The following ANKRD44 variants were observed in gnomAD, a reference collection of about 807,000 sequenced individuals.
ANKRD44 encodes serine/threonine-protein phosphatase 6 regulatory ankyrin repeat subunit B.
In ANKRD44, 35 loss-of-function variants were observed where a neutral mutation model predicts 116.0. That is an observed-to-expected ratio of 0.30 (90% CI 0.23 to 0.40). The LOEUF is 0.40. Among genes scored for constraint, ANKRD44 ranks in the 10% least tolerant of loss-of-function variants. The probability of loss-of-function intolerance (pLI) is 1.00; values close to 1 mark genes in which losing one functional copy is unlikely to be tolerated. For synonymous variants in ANKRD44, 435 were observed against 461.8 expected, an observed-to-expected ratio of 0.94 and a Z score of 0.74; for missense variants, 1,014 against 1,242.6, an observed-to-expected ratio of 0.82 and a Z score of 2.77.
intron 1 of ANKRD44, among the ~76,000 whole-genome samples, chr2:197,239,917 C>T (rs376480609): frequency 1.8e-4 from 28 of 152,094 alleles, no homozygotes; most frequent in African/African-American, 5.8e-4. Context: ...ATGTCTTCAA[C>T]GTAGATTTTC....
chr2:197,110,142 A>G (rs1355434356), intron 9 of ANKRD44, among the ~76,000 whole-genome samples: 1 of 152,032 alleles, frequency 6.6e-6, no homozygotes, highest in Non-Finnish European at 1.5e-5. Context: ...ACTCCTGGCT[A>G]ATTTTTGTAT....
intron 21 of ANKRD44, among the ~76,000 whole-genome samples, chr2:196,971,581 A>C (rs1380376760): frequency 6.6e-6 from 1 of 152,192 alleles, no homozygotes; most frequent in Admixed American, 6.5e-5. Flanking sequence ...AATTACATTA[A>C]GATTTTCTTG....
At chr2:197,036,983 TTATCAA>T (rs372050679) in intron 16 of ANKRD44, among the ~76,000 whole-genome samples, 173 of 152,340 alleles carry the variant, frequency 1.1e-3, no homozygotes, top group African/African-American at 4.0e-3. Flanking sequence ...TTAAAAATGT[TTATCAA>T]GAGTTTTTAA....
intron 1 of ANKRD44, 56 bp downstream of exon 1, chr2:197,310,522 G>A (rs1000578406): frequency 9.9e-7 from 1 of 1,012,472 alleles, no homozygotes; most frequent in Non-Finnish European, 1.2e-6. Flanking sequence ...CCCCCCGCCG[G>A]GCTCCGCGCC....
chr2:196,980,491 A>G (rs546295913), intron 21 of ANKRD44, among the ~76,000 whole-genome samples: 3 of 152,350 alleles, frequency 2.0e-5, no homozygotes, highest in East Asian at 3.9e-4. Context: ...ATTTTTCAGG[A>G]AAAGTTAATG....
intron 26 of ANKRD44, among the ~76,000 whole-genome samples, chr2:196,994,201 G>A (rs2075970788): frequency 6.7e-6 from 1 of 149,448 alleles, no homozygotes; most frequent in African/African-American, 2.5e-5. Context: ...CTTTTTTTTT[G>A]AGACAGGGTC....
At chr2:197,210,182 G>A (rs150826366) in intron 1 of ANKRD44, among the ~76,000 whole-genome samples, 143 of 152,278 alleles carry the variant, frequency 9.4e-4, no homozygotes, top group Non-Finnish European at 1.7e-3. Flanking sequence ...TGGGTGTTTC[G>A]AATGGAGACA....
chr2:197,078,987 G>GTGTGTA (rs1380080114), intron 15 of ANKRD44, among the ~76,000 whole-genome samples, 173 bp from the exon 16 acceptor site: 1 of 151,910 alleles, frequency 6.6e-6, no homozygotes, highest in East Asian at 1.9e-4. Context: ...GTGTGTGTGT[G>GTGTGTA]TGTGTGTGTG....
chr2:197,242,302 A>T (rs2082106291), intron 1 of ANKRD44, among the ~76,000 whole-genome samples: 1 of 152,226 alleles, frequency 6.6e-6, no homozygotes, highest in African/African-American at 2.4e-5. Flanking sequence ...ATTTTATAAT[A>T]TAATGGTACT....
chr2:197,228,355 G>C (rs2081769717), intron 1 of ANKRD44, among the ~76,000 whole-genome samples: 2 of 152,166 alleles, frequency 1.3e-5, no homozygotes, highest in South Asian at 4.1e-4. Flanking sequence ...TCAAGAGATG[G>C]TCATCATTAC....
At chr2:197,195,088 A>G (rs373779202) in intron 1 of ANKRD44, among the ~76,000 whole-genome samples, 3 of 152,182 alleles carry the variant, frequency 2.0e-5, no homozygotes, top group East Asian at 1.9e-4. Context: ...CGATGCTCCC[A>G]CCTCAGCCTC....
intron 1 of ANKRD44, among the ~76,000 whole-genome samples, chr2:197,305,966 T>TA (rs1337680726): frequency 0.014 from 1,574 of 113,808 alleles, 63 homozygotes; most frequent in African/African-American, 0.05. Context: ...CGCAGTTCGT[T>TA]TTATATATAT....
rs538835259 is a variant in ANKRD44, at chr2:197,014,721, T to G, written c.1723-1009A>C. 9.9e-5 allele frequency among the ~76,000 whole-genome samples: 15 copies of G among 151,490 alleles called. No homozygotes were observed. In the South Asian group the frequency reaches 2.9e-3, roughly 30 times the overall value. On this transcript the variant is annotated intron_variant, in intron 17 of 27. Coordinates refer to ENST00000282272, the MANE Select transcript of ANKRD44 (RefSeq NM_001195144.2). ...GAATTGCTTGAACCCAAGGCGGAGG[T>G]TGCAGTGAGCTATTATCACGACTCT...
In ANKRD44 at chr2:197,164,063, T is replaced by G. The variant is rs150931798; in HGVS notation, c.112-16958A>C. 4.5e-3 allele frequency among the ~76,000 whole-genome samples: 692 copies of G among 152,172 alleles called. 4 individuals are homozygous for G. Among genetic ancestry groups the G allele is most frequent in the Middle Eastern group, 0.014 (4 of 294 alleles). On this transcript the variant is annotated intron_variant, in intron 2 of 27. Coordinates refer to ENST00000282272, the MANE Select transcript of ANKRD44 (RefSeq NM_001195144.2). The stretch of plus-strand genomic sequence containing the variant: ...TTACTCTTCTCAATCCCTCAAGAAT[T>G]TCCCAGAAGGATGGACTTTCCTAAG...
chr2:197,165,567 G>A (rs996327314), intron 2 of ANKRD44, among the ~76,000 whole-genome samples: 13 of 152,196 alleles, frequency 8.5e-5, no homozygotes, highest in African/African-American at 3.1e-4. Context: ...AAGGCCAAAT[G>A]TAAGAGGCAC....
At chr2:197,085,725 G>T (rs139700126) in intron 13 of ANKRD44, among the ~76,000 whole-genome samples, 49 of 152,230 alleles carry the variant, frequency 3.2e-4, no homozygotes, top group African/African-American at 9.1e-4. Context: ...AGAAATAACC[G>T]TAAAAATGGG....
At chr2:197,047,694 G>A (rs1205155150) in intron 16 of ANKRD44, among the ~76,000 whole-genome samples, 4 of 151,984 alleles carry the variant, frequency 2.6e-5, no homozygotes, top group African/African-American at 7.2e-5. Context: ...GGTGGATCAC[G>A]AACTCAGGAG....
intron 20 of ANKRD44, among the ~76,000 whole-genome samples, chr2:197,006,486 T>A (rs56823892): frequency 0.041 from 6,183 of 152,150 alleles, 391 homozygotes; most frequent in African/African-American, 0.14. Context: ...GCAGTAAACA[T>A]GAGTTTTAGA....
intron 1 of ANKRD44, among the ~76,000 whole-genome samples, chr2:197,188,010 T>C (rs2080727103): frequency 6.6e-6 from 1 of 151,864 alleles, no homozygotes; most frequent in African/African-American, 2.4e-5. Context: ...ACCGGAACAC[T>C]TTTGTGTCGG....
Sources: allele counts gnomAD v4.1 joint callset (sites outside exome capture counted in the v4.1 genomes callset), GRCh38; gene constraint gnomAD v4.1.1; transcripts MANE v1.5; gene names NCBI Gene and HGNC (gene_info 2026-07-23, HGNC 2026-07-21).